EDA: variants seen among roughly 807,000 people sequenced by gnomAD.
The protein encoded by EDA is ectodysplasin A, also known as ectodysplasin-A.
In EDA, 2 loss-of-function variants were observed where a neutral mutation model predicts 23.6. The ratio of observed to expected loss-of-function variants is 0.08; its 90% CI spans 0.03 to 0.27. EDA has a LOEUF of 0.27. Among genes scored for constraint, EDA ranks in the 10% least tolerant of loss-of-function variants. The pLI, the probability that EDA is intolerant of heterozygous loss-of-function variation, is 1.00. For synonymous variants in EDA, 131 were observed against 132.0 expected (o/e 0.99, Z 0.05); for missense variants, 229 against 324.2 (o/e 0.71, Z 2.26).
intron 1 of EDA, among the ~76,000 whole-genome samples, chrX:69,785,561 T>C (rs1272922974): frequency 9.0e-6 from 1 of 111,049 alleles, no homozygotes; most frequent in Non-Finnish European, 1.9e-5. Flanking sequence ...CATGTGGTTT[T>C]TGTCTTTGGT....
intron 1 of EDA, among the ~76,000 whole-genome samples, chrX:69,654,429 C>T (rs1292236210): frequency 9.0e-6 from 1 of 111,543 alleles, no homozygotes; most frequent in Non-Finnish European, 1.9e-5. Flanking sequence ...CCATTTGAAC[C>T]AGCCATCCCA....
intron 1 of EDA, among the ~76,000 whole-genome samples, chrX:69,662,151 T>G (rs1933532081): frequency 8.9e-6 from 1 of 111,895 alleles, no homozygotes; most frequent in African/African-American, 3.2e-5. Flanking sequence ...CCACCCATAG[T>G]AATCACTGTT....
At position 69,616,288 on chromosome X, in the gene EDA, G is replaced by C. The variant is rs1256209697; in HGVS notation, c.-21G>C. 3 of 1,173,549 alleles carry C rather than the reference G, an allele frequency of 2.6e-6. No individual in the cohort carries two copies. The highest frequency in any genetic ancestry group is 3.4e-6 in the Non-Finnish European group (3 of 881,560). On this transcript the variant is annotated 5_prime_UTR_variant, in exon 1 of 8. Coordinates refer to ENST00000374552, the MANE Select transcript of EDA (RefSeq NM_001399.5). ...ACGCAGCGGCTCCCGGGCCTCAAGA[G>C]AGTGGGTGTCTCCGGAGGCCATGGG... is the stretch of plus-strand genomic sequence containing the variant.
intron 1 of EDA, among the ~76,000 whole-genome samples, chrX:69,738,435 T>C (rs1378883508): frequency 9.1e-6 from 1 of 109,565 alleles, no homozygotes; most frequent in Non-Finnish European, 1.9e-5. Flanking sequence ...ATTTTGTAGA[T>C]CTTTTCAAAG....
intron 1 of EDA, among the ~76,000 whole-genome samples, chrX:69,633,724 T>C (rs191373282): frequency 8.9e-6 from 1 of 112,871 alleles, no homozygotes; most frequent in African/African-American, 3.2e-5. Context: ...AATTCCATTG[T>C]ATGGATATAC....
chrX:69,740,737 C>T, intron 1 of EDA, among the ~76,000 whole-genome samples: 1 of 109,821 alleles, frequency 9.1e-6, no homozygotes. Context: ...GTTTTTCTGC[C>T]TCTTTCTCTC....
intron 1 of EDA, among the ~76,000 whole-genome samples, chrX:69,698,581 C>T (rs1383982223): frequency 1.8e-5 from 2 of 111,309 alleles, no homozygotes; most frequent in African/African-American, 3.3e-5. Context: ...AAGAAAAGTT[C>T]GGCCATACAT....
chrX:69,959,998 TC>T lies in EDA; in HGVS notation c.502+2867del, dbSNP rs770990652. 2.7e-5 allele frequency among the ~76,000 whole-genome samples: 3 copies of T among 111,580 alleles called. No individual in the cohort carries two copies. In the East Asian group the frequency reaches 8.5e-4, roughly 31 times the overall value. ...GATGAGTTAAGAAAGCAAAATCCAATCTAGAGCCTTGTTGGCCAAGGTAAGG... is the reference window on the plus strand; with the variant it reads ...GATGAGTTAAGAAAGCAAAATCCAATTAGAGCCTTGTTGGCCAAGGTAAGG... On this transcript the variant is annotated intron_variant, in intron 2 of 7. Transcript: ENST00000374552.
chrX:69,895,275 C>A (rs1345461603), intron 1 of EDA, among the ~76,000 whole-genome samples: 1 of 110,080 alleles, frequency 9.1e-6, no homozygotes, highest in African/African-American at 3.3e-5. Flanking sequence ...ATCACACCAC[C>A]TCTATTACGA....
chrX:69,702,607 G>A (rs1282434408), intron 1 of EDA, among the ~76,000 whole-genome samples: 2 of 109,797 alleles, frequency 1.8e-5, no homozygotes, highest in Admixed American at 9.8e-5. Context: ...GAGAGAGAGA[G>A]GAGGGGTGGA....
chrX:69,834,222 G>A (rs750763215), intron 1 of EDA, among the ~76,000 whole-genome samples: 136 of 110,532 alleles, frequency 1.2e-3, no homozygotes, highest in African/African-American at 4.3e-3. Flanking sequence ...TATTAGGTCC[G>A]CTTGTTGCAG....
chrX:69,959,836 A>G (rs899993766), intron 2 of EDA, among the ~76,000 whole-genome samples: 11 of 112,011 alleles, frequency 9.8e-5, no homozygotes, highest in African/African-American at 3.6e-4. Flanking sequence ...ACCTGAATGA[A>G]ATGAAGTAAG....
intron 1 of EDA, among the ~76,000 whole-genome samples, chrX:69,761,586 ATAT>A (rs1469319708): frequency 9.0e-6 from 1 of 111,676 alleles, no homozygotes; most frequent in Non-Finnish European, 1.9e-5. Context: ...TATTGACATA[ATAT>A]TATCAGATGA....
chrX:69,729,886 C>T (rs2012955342), intron 1 of EDA, among the ~76,000 whole-genome samples: 1 of 111,726 alleles, frequency 9.0e-6, no homozygotes, highest in African/African-American at 3.3e-5. Context: ...AAATCTCAAG[C>T]ATCTTTCCTA....
At chrX:69,887,601 G>A (rs867041237) in intron 1 of EDA, among the ~76,000 whole-genome samples, 3 of 111,644 alleles carry the variant, frequency 2.7e-5, no homozygotes, top group Non-Finnish European at 5.6e-5. Context: ...GACCTCAAAT[G>A]AAATAACTCA....
chrX:69,752,473 G>A (rs970204639), intron 1 of EDA, among the ~76,000 whole-genome samples: 6 of 111,861 alleles, frequency 5.4e-5, no homozygotes, highest in Admixed American at 9.5e-5. Context: ...GCTGGATTCA[G>A]TTTGCCAGTA....
chrX:69,693,208 TGAGCAACCCTCAAAACCAGAACAAAGG>T (rs980004712), intron 1 of EDA: 2 of 110,931 alleles, frequency 1.8e-5, no homozygotes, highest in African/African-American at 6.6e-5. Context: ...ATTCATGAAT[TGAGCAACCCTCAAAACCAGAACAAAGG>T]GAGGGGAGAG....
chrX:69,920,886 A>C (rs1307803097), intron 1 of EDA, among the ~76,000 whole-genome samples: 1 of 112,037 alleles, frequency 8.9e-6, no homozygotes, highest in Admixed American at 9.5e-5. Context: ...CACCTCCTTG[A>C]TGGTGAAGTA....
chrX:69,838,269 C>A (rs1198543248), intron 1 of EDA, among the ~76,000 whole-genome samples: 2 of 113,046 alleles, frequency 1.8e-5, no homozygotes, highest in African/African-American at 6.4e-5. Context: ...CCTTTGCAAT[C>A]AACTACAAAT....
Sources: allele counts gnomAD v4.1 joint callset (sites outside exome capture counted in the v4.1 genomes callset), GRCh38; gene constraint gnomAD v4.1.1; transcripts MANE v1.5; gene names NCBI Gene and HGNC (gene_info 2026-07-23, HGNC 2026-07-21).